Variants in LVRN observed in about 807,000 individuals in gnomAD.
The protein encoded by LVRN is laeverin.
In LVRN, 99 loss-of-function variants were observed where a neutral mutation model predicts 111.4. The ratio of observed to expected loss-of-function variants is 0.89; its 90% CI spans 0.76 to 1.05. LVRN has a LOEUF of 1.05. Among genes scored for constraint, LVRN ranks in the 50% least tolerant of loss-of-function variants. LVRN has a pLI of 0.00. For synonymous variants in LVRN, 488 were observed against 449.5 expected, an observed-to-expected ratio of 1.09 and a Z score of -1.08; for missense variants, 1,414 against 1,206.8, an observed-to-expected ratio of 1.17 and a Z score of -2.54.
chr5:115,974,839 C>G, intron 1 of LVRN: 1 of 331,772 alleles, frequency 3.0e-6, no homozygotes, highest in Non-Finnish European at 6.1e-6. Flanking sequence ...ATTCACTTGA[C>G]TTATTTTAAC....
intron 13 of LVRN, among the ~76,000 whole-genome samples, chr5:116,008,918 G>A (rs1748432399): frequency 6.6e-6 from 1 of 152,202 alleles, no homozygotes; most frequent in South Asian, 2.1e-4. Context: ...TAAGATAATT[G>A]TTAAAATGGC....
chr5:116,010,598 A>T, intron 13 of LVRN, 143 bp from the exon 14 acceptor site: 1 of 854,870 alleles, frequency 1.2e-6, no homozygotes, highest in South Asian at 1.4e-5. Context: ...TTTCTATAAG[A>T]TGGGACATTT....
chr5:116,021,248 T>C (rs1242050095), intron 18 of LVRN: 1 of 152,256 alleles, frequency 6.6e-6, no homozygotes, highest in Non-Finnish European at 1.5e-5. Context: ...CTTTCTCCTG[T>C]GTCTGGCAGA....
intron 19 of LVRN, among the ~76,000 whole-genome samples, chr5:116,025,369 T>A (rs891999613): frequency 1.3e-5 from 2 of 152,130 alleles, no homozygotes; most frequent in Non-Finnish European, 2.9e-5. Context: ...AAAAAGAGAC[T>A]CGGTAAAATG....
At position 116,026,051 on chromosome 5, in the gene LVRN, A is replaced by G. The variant is rs770184454; in HGVS notation, c.2906A>G (p.Lys969Arg). 12 of 1,613,980 alleles carry G rather than the reference A, an allele frequency of 7.4e-6. No homozygotes were observed. The South Asian group carries it at 1.3e-4, about 18-fold the overall frequency. ...IRVHANLQTI[K>R]NENLKNKKLS... ...GTTCATGCCAACTTACAGACAATAA[A>G]GAATGAAAATCTGAAAAACAAGAAG... Residue 969 changes from lysine (K) to arginine (R), a missense_variant, in exon 20 of 20, where the codon AAG becomes AGG. Coordinates refer to ENST00000357872, the MANE Select transcript of LVRN (RefSeq NM_173800.5).
chr5:115,999,871 A>G lies in LVRN; in HGVS notation c.1484A>G (p.Gln495Arg). 5 of 1,613,306 alleles carry G rather than the reference A, an allele frequency of 3.1e-6. No homozygotes were observed. In the South Asian group the frequency reaches 5.5e-5, roughly 18 times the overall value. The change falls in exon 7 of 20, where the codon CAG becomes CGG. Residue 495 changes from glutamine (Q) to arginine (R), a missense_variant. Gln to Arg is a conservative substitution (Grantham distance 43). Coordinates refer to ENST00000357872, the MANE Select transcript of LVRN (RefSeq NM_173800.5). ...KVENFKTSEI[Q>R]ELFDIFTYSK... ...GAAAATTTCAAAACAAGTGAAATAC[A>G]GGAACTCTTTGACATATTTACTTAC...
chr5:116,014,897 T>C (rs1748567750), intron 16 of LVRN, among the ~76,000 whole-genome samples: 1 of 152,156 alleles, frequency 6.6e-6, no homozygotes, highest in Non-Finnish European at 1.5e-5. Context: ...CTCTCTTAGT[T>C]TGTTGCCTCA....
chr5:115,988,194 A>G (rs563076333), intron 4 of LVRN, among the ~76,000 whole-genome samples: 14 of 152,296 alleles, frequency 9.2e-5, no homozygotes, highest in Admixed American at 2.0e-4. Context: ...TGGCTACTCA[A>G]TGGCAGCCTC....
chr5:116,021,678 T>C (rs920414682), intron 18 of LVRN: 2 of 445,404 alleles, frequency 4.5e-6, no homozygotes, highest in Admixed American at 4.9e-5. Flanking sequence ...ATAACCCTAT[T>C]TTAATTTTTC....
At position 116,026,199 on chromosome 5, in the gene LVRN, C is replaced by T. The variant is rs1580405936; in HGVS notation, c.*81C>T. Reference sequence around the variant, plus strand: ...TTTTGTCTTCCAATACTTTGTGAGTCTGGAAAACCACACATTTTATTTGTA... The same window carrying T: ...TTTTGTCTTCCAATACTTTGTGAGTTTGGAAAACCACACATTTTATTTGTA... On this transcript the variant is annotated 3_prime_UTR_variant, in exon 20 of 20. Transcript: ENST00000357872. 2.6e-6 allele frequency: 4 copies of T among 1,551,398 alleles called. No individual in the cohort carries two copies. Among genetic ancestry groups the T allele is most frequent in the Non-Finnish European group, 1.8e-6 (2 of 1,137,486 alleles).
At chr5:115,977,521 T>G (rs762124402) in intron 1 of LVRN, among the ~76,000 whole-genome samples, 5 of 152,178 alleles carry the variant, frequency 3.3e-5, no homozygotes, top group African/African-American at 7.2e-5. Flanking sequence ...CTCCCTGTGG[T>G]GGCAAACAGA....
At chr5:116,017,872 T>C (rs1330911282) in intron 18 of LVRN, among the ~76,000 whole-genome samples, 1 of 152,228 alleles carries the variant, frequency 6.6e-6, no homozygotes, top group African/African-American at 2.4e-5. Flanking sequence ...TTTCTCAATA[T>C]TGTCAGTTTC....
intron 1 of LVRN, among the ~76,000 whole-genome samples, chr5:115,978,667 T>C (rs1223907937): frequency 1.3e-5 from 2 of 152,226 alleles, no homozygotes; most frequent in African/African-American, 2.4e-5. Context: ...TTCTCCCATC[T>C]TCCACTCCCT....
intron 18 of LVRN, among the ~76,000 whole-genome samples, chr5:116,017,707 G>A (rs1242294405): frequency 1.3e-5 from 2 of 152,088 alleles, no homozygotes; most frequent in Non-Finnish European, 2.9e-5. Context: ...CATAAAGTGA[G>A]GATAATAATG....
chr5:116,015,232 T>A lies in LVRN; in HGVS notation c.2451-20T>A. On this transcript the variant is annotated intron_variant, in intron 16 of 19. Transcript: ENST00000357872. ...AACATAACTACTATGAAAAATATCATTTTATGTTATATTTTACAGAATACC... is the reference window on the plus strand; with the variant it reads ...AACATAACTACTATGAAAAATATCAATTTATGTTATATTTTACAGAATACC... 6.6e-7 allele frequency: 1 copy of A among 1,525,200 alleles called. No homozygotes were observed. Among genetic ancestry groups the A allele is most frequent in the Non-Finnish European group, 8.8e-7 (1 of 1,132,756 alleles). The allele number at this position is 1,525,200 out of a possible 1,614,324, so 94.5% of individuals were successfully genotyped here.
chr5:116,017,970 A>G (rs1748636438), intron 18 of LVRN, among the ~76,000 whole-genome samples: 1 of 152,176 alleles, frequency 6.6e-6, no homozygotes, highest in Non-Finnish European at 1.5e-5. Flanking sequence ...CTTTAAAATA[A>G]CATGTTTAGT....
chr5:116,002,502 G>A (rs995882850), intron 10 of LVRN, among the ~76,000 whole-genome samples: 1 of 152,186 alleles, frequency 6.6e-6, no homozygotes, highest in East Asian at 1.9e-4. Context: ...TCTGTTTGCA[G>A]CATTTGAACT....
At chr5:116,007,731 A>C (rs1229426142) in intron 13 of LVRN, among the ~76,000 whole-genome samples, 2 of 152,222 alleles carry the variant, frequency 1.3e-5, no homozygotes, top group Non-Finnish European at 2.9e-5. Flanking sequence ...TTACAAATTG[A>C]AGATTTGTGA....
intron 17 of LVRN, 80 bp from the exon 18 acceptor site, chr5:116,015,548 G>T: frequency 6.6e-7 from 1 of 1,513,954 alleles, no homozygotes. Flanking sequence ...TTAGAACCAT[G>T]GGATTTTGAT....
Sources: allele counts gnomAD v4.1 joint callset (sites outside exome capture counted in the v4.1 genomes callset), GRCh38; gene constraint gnomAD v4.1.1; transcripts MANE v1.5; gene names NCBI Gene and HGNC (gene_info 2026-07-23, HGNC 2026-07-21).